Variants in SEH1L observed in about 807,000 individuals in gnomAD.
The protein encoded by SEH1L is nucleoporin SEH1.
SEH1L carries 18 observed loss-of-function variants against 49.5 expected under a neutral mutation model. That is an observed-to-expected ratio of 0.36 (90% CI 0.25 to 0.54). The LOEUF is 0.54. SEH1L is among the 20% of genes least tolerant of loss of function. The probability of loss-of-function intolerance (pLI) is 0.87; values close to 1 mark genes in which losing one functional copy is unlikely to be tolerated. For missense variants in SEH1L, 404 were observed against 528.8 expected, an observed-to-expected ratio of 0.76 and a Z score of 2.31; for synonymous variants, 169 against 178.1, an observed-to-expected ratio of 0.95 and a Z score of 0.41.
At chr18:12,966,491 G>GCTCA (rs1292137592) in intron 4 of SEH1L, among the ~76,000 whole-genome samples, 1 of 152,148 alleles carries the variant, frequency 6.6e-6, no homozygotes, top group Non-Finnish European at 1.5e-5. Context: ...ACCTCCCTGG[G>GCTCA]CTCAGGTGAT....
intron 3 of SEH1L, among the ~76,000 whole-genome samples, chr18:12,962,468 T>TTTTC (rs2031231332): frequency 1.6e-5 from 2 of 125,632 alleles, no homozygotes; most frequent in Non-Finnish European, 3.3e-5. Context: ...TCTTTTTTTT[T>TTTTC]TTTTTTTTTT....
chr18:12,984,169 T>C lies in SEH1L; in HGVS notation c.1049T>C (p.Leu350Ser). ...GSTIPSLQNSLNGSSAGRYFF... is the reference protein window; with the variant it reads ...GSTIPSLQNSSNGSSAGRYFF... ...ACTATTCCAAGTCTTCAGAATTCAT[T>C]AAATGGATCTTCTGCTGGCAGGTAG... Residue 350 changes from leucine to serine, a missense_variant, in exon 8 of 9, where the codon TTA becomes TCA. Around this residue, in one of 3 missense-constraint regions of SEH1L, gnomAD observed 342 missense variants for 430.8 expected, o/e 0.79. Coordinates refer to ENST00000399892, the MANE Select transcript of SEH1L (RefSeq NM_001013437.2). The C allele has an allele frequency of 1.2e-6, 2 of 1,613,822 alleles. No individual in the cohort carries two copies. The highest frequency in any genetic ancestry group is 1.7e-6 in the Non-Finnish European group (2 of 1,179,776).
At chr18:12,954,182 C>T (rs1482357599) in intron 2 of SEH1L, among the ~76,000 whole-genome samples, 1 of 152,184 alleles carries the variant, frequency 6.6e-6, no homozygotes, top group African/African-American at 2.4e-5. Flanking sequence ...AAAATGTTAG[C>T]TATACAGTGT....
At chr18:12,986,442 G>T in intron 8 of SEH1L, 3 of 986,144 alleles carry the variant, frequency 3.0e-6, no homozygotes, top group Non-Finnish European at 3.6e-6. Flanking sequence ...TAAAAAAAAT[G>T]TGTGCTTGCT....
At chr18:12,963,399 A>G in intron 4 of SEH1L, 28 bp downstream of exon 4, 1 of 1,528,056 alleles carries the variant, frequency 6.5e-7, no homozygotes, top group African/African-American at 1.4e-5. Context: ...ACCTCTGATA[A>G]CATCCTAGTA....
At chr18:12,954,633 A>AT (rs1054534526) in intron 2 of SEH1L, among the ~76,000 whole-genome samples, 6 of 151,710 alleles carry the variant, frequency 4.0e-5, no homozygotes, top group African/African-American at 1.5e-4. Context: ...CACCTGACTA[A>AT]TTTTTTGTAT....
At chr18:12,964,090 A>G (rs966357121) in intron 4 of SEH1L, among the ~76,000 whole-genome samples, 2 of 152,194 alleles carry the variant, frequency 1.3e-5, no homozygotes, top group Non-Finnish European at 2.9e-5. Context: ...TCCATATATT[A>G]ATATATCTAG....
intron 4 of SEH1L, among the ~76,000 whole-genome samples, chr18:12,967,260 C>G (rs2031491859): frequency 6.6e-6 from 1 of 152,130 alleles, no homozygotes; most frequent in African/African-American, 2.4e-5. Flanking sequence ...GTGTGTCTTT[C>G]TTTTTAAAGA....
At chr18:12,975,036 A>G (rs929568623) in intron 5 of SEH1L, among the ~76,000 whole-genome samples, 1 of 151,284 alleles carries the variant, frequency 6.6e-6, no homozygotes, top group Non-Finnish European at 1.5e-5. Context: ...CTTGTTGCCC[A>G]GGTTGGAGTG....
intron 1 of SEH1L, among the ~76,000 whole-genome samples, chr18:12,949,018 C>T (rs113860348): frequency 0.12 from 16,587 of 143,034 alleles, 2,823 homozygotes; most frequent in African/African-American, 0.38. Context: ...CCCGGCTAAT[C>T]TTTTTTTTTT....
chr18:12,972,414 G>A (rs1232099350), intron 5 of SEH1L: 2 of 152,172 alleles, frequency 1.3e-5, no homozygotes, highest in Non-Finnish European at 2.9e-5. Flanking sequence ...GTTAATTTTG[G>A]TCATGCCGAG....
chr18:12,984,043 A>G lies in SEH1L; in HGVS notation c.923A>G (p.Asn308Ser), dbSNP rs1185743566. 4 of 1,612,750 alleles carry G rather than the reference A, an allele frequency of 2.5e-6. No individual in the cohort carries two copies. Residue 308 changes from asparagine to serine, a missense_variant, in exon 8 of 9, where the codon AAT becomes AGT. By Grantham distance (46) the Asn-to-Ser change is conservative. Coordinates refer to ENST00000399892, the MANE Select transcript of SEH1L (RefSeq NM_001013437.2). ...DDGCVRLWKA[N>S]YMDNWKCTGI... ...TATTTGATTATTTTCCTTTCAGCTAATTATATGGACAATTGGAAGTGTACT... is the reference window on the plus strand; with the variant it reads ...TATTTGATTATTTTCCTTTCAGCTAGTTATATGGACAATTGGAAGTGTACT...
chr18:12,985,876 T>A, intron 8 of SEH1L: 1 of 968,774 alleles, frequency 1.0e-6, no homozygotes, highest in Non-Finnish European at 1.2e-6. Flanking sequence ...GACTGTACAG[T>A]TTGTAGCCAG....
At chr18:12,959,938 G>T (rs1334281226) in intron 3 of SEH1L, among the ~76,000 whole-genome samples, 1 of 152,192 alleles carries the variant, frequency 6.6e-6, no homozygotes, top group African/African-American at 2.4e-5. Flanking sequence ...TTTGGCTAAA[G>T]CAAGAAGATG....
At chr18:12,962,459 CTTTTTT>C (rs3070220) in intron 3 of SEH1L, among the ~76,000 whole-genome samples, 26 of 63,654 alleles carry the variant, frequency 4.1e-4, no homozygotes, top group South Asian at 1.4e-3. Context: ...GCATGCCTTT[CTTTTTT>C]TTTTTTTTTT....
chr18:12,986,771 C>G, intron 8 of SEH1L, 91 bp from the exon 9 acceptor site: 5 of 1,187,738 alleles, frequency 4.2e-6, no homozygotes, highest in Non-Finnish European at 5.3e-6. Flanking sequence ...CTTTGGTTCT[C>G]TTTGTATTTA....
At chr18:12,975,817 T>G in intron 5 of SEH1L, 1 of 985,794 alleles carries the variant, frequency 1.0e-6, no homozygotes, top group Non-Finnish European at 1.2e-6. Context: ...AATGAGGACA[T>G]GCACTGTGGC....
intron 6 of SEH1L, among the ~76,000 whole-genome samples, chr18:12,980,054 T>C (rs1276606809): frequency 0.11 from 2,509 of 21,886 alleles, 1 homozygote; most frequent in Admixed American, 0.13. Context: ...ACCTCCCTCC[T>C]GGACGGGGCG....
intron 6 of SEH1L, among the ~76,000 whole-genome samples, chr18:12,981,643 C>T (rs2032264770): frequency 6.6e-6 from 1 of 152,160 alleles, no homozygotes; most frequent in Non-Finnish European, 1.5e-5. Flanking sequence ...ATTCTCTTAA[C>T]TGTGCTTTAT....
Sources: allele counts gnomAD v4.1 joint callset (sites outside exome capture counted in the v4.1 genomes callset), GRCh38; gene constraint gnomAD v4.1.1; regional missense constraint gnomAD v4.1.1; transcripts MANE v1.5; gene names NCBI Gene and HGNC (gene_info 2026-07-23, HGNC 2026-07-21).